The following FARP1 variants were observed in gnomAD, a reference collection of about 807,000 sequenced individuals.
FARP1 encodes FERM, ARHGEF and pleckstrin domain-containing protein 1.
In FARP1, 52 loss-of-function variants were observed where a neutral mutation model predicts 128.8. The ratio of observed to expected loss-of-function variants is 0.40; its 90% CI spans 0.32 to 0.51. FARP1 has a LOEUF of 0.51. Ranked by LOEUF, FARP1 falls within the 20% of genes least tolerant of loss-of-function variation. The pLI is 0.45. For synonymous variants in FARP1, 580 were observed against 551.8 expected (o/e 1.05, Z -0.72); for missense variants, 1,333 against 1,367.9 (o/e 0.97, Z 0.40).
intron 2 of FARP1, among the ~76,000 whole-genome samples, chr13:98,310,013 C>T (rs974524774): frequency 8.7e-5 from 13 of 149,098 alleles, no homozygotes; most frequent in African/African-American, 2.7e-4. Flanking sequence ...GTTTTTACGC[C>T]GATGGGACCA....
At chr13:98,312,135 C>T (rs1302426422) in intron 2 of FARP1, among the ~76,000 whole-genome samples, 18 of 86,110 alleles carry the variant, frequency 2.1e-4, no homozygotes, top group Admixed American at 3.4e-4. Context: ...GTGGTAACTG[C>T]TTTTTTTTTT....
At chr13:98,266,055 A>ATT (rs368073040) in intron 2 of FARP1, among the ~76,000 whole-genome samples, 11 of 150,528 alleles carry the variant, frequency 7.3e-5, no homozygotes, top group African/African-American at 2.7e-4. Flanking sequence ...TTTTTTTCCC[A>ATT]TTTTTTTTTC....
At chr13:98,153,415 T>TATGTAACACATATATA (rs1566670437) in intron 1 of FARP1, among the ~76,000 whole-genome samples, 52 of 36,292 alleles carry the variant, frequency 1.4e-3, no homozygotes, top group East Asian at 7.4e-3. Flanking sequence ...TAAATATGTA[T>TATGTAACACATATATA]AATATGTAAC....
At chr13:98,398,143 A>ATC (rs1566291351) in intron 13 of FARP1, 1 of 152,208 alleles carries the variant, frequency 6.6e-6, no homozygotes, top group African/African-American at 2.4e-5. Context: ...GACAAATGAT[A>ATC]TCTGTCCACA....
At chr13:98,288,279 G>A (rs114269906) in intron 2 of FARP1, among the ~76,000 whole-genome samples, 1,568 of 152,228 alleles carry the variant, frequency 0.01, 36 homozygotes, top group African/African-American at 0.036. Flanking sequence ...ATTCTTCAGT[G>A]GTTTTCCTTC....
intron 24 of FARP1, among the ~76,000 whole-genome samples, chr13:98,444,812 C>T (rs1337687415): frequency 6.6e-6 from 1 of 152,194 alleles, no homozygotes; most frequent in Non-Finnish European, 1.5e-5. Flanking sequence ...TATGAAAATA[C>T]CTAGGAAAGG....
At position 98,178,484 on chromosome 13, in the gene FARP1, C is replaced by T. The variant is rs2139191990; in HGVS notation, c.-23-34736C>T. ...ATGTTGGTATTACAGGCGTGAGCCA[C>T]TGCACCCCGCCTTCAAATATTTTTA... On this transcript the variant is annotated intron_variant, in intron 1 of 26. Coordinates refer to ENST00000319562, the MANE Select transcript of FARP1 (RefSeq NM_005766.4). 2.0e-5 allele frequency among the ~76,000 whole-genome samples: 3 copies of T among 152,354 alleles called. No homozygotes were observed. In the East Asian group the frequency reaches 5.8e-4, roughly 29 times the overall value.
chr13:98,200,626 C>T (rs1039222783), intron 1 of FARP1, among the ~76,000 whole-genome samples: 1 of 152,116 alleles, frequency 6.6e-6, no homozygotes, highest in African/African-American at 2.4e-5. Context: ...CTGTCTCTAG[C>T]ACTTACGCAA....
intron 24 of FARP1, among the ~76,000 whole-genome samples, chr13:98,444,276 CCT>C (rs1391797759): frequency 1.3e-5 from 2 of 152,082 alleles, no homozygotes; most frequent in Non-Finnish European, 2.9e-5. Context: ...CTGCAGAGAC[CCT>C]GTGTCCATGT....
rs1305847148 is a variant in FARP1 at position 98,378,476 on chromosome 13, C to T, written c.496+558C>T. ...GACAAGCCACCTGGGTGTTTTTTCC[C>T]TCTTGACCAAGGCAGAAATTACTTG... On this transcript the variant is annotated intron_variant, in intron 6 of 26. Coordinates refer to ENST00000319562, the MANE Select transcript of FARP1 (RefSeq NM_005766.4). Among the ~76,000 whole-genome samples, 3 of 152,142 alleles carry T rather than the reference C, an allele frequency of 2.0e-5. No homozygotes were observed. In the East Asian group the frequency reaches 5.8e-4, roughly 29 times the overall value.
intron 4 of FARP1, 102 bp downstream of exon 4, chr13:98,365,539 A>G (rs549046576): frequency 4.0e-6 from 3 of 748,732 alleles, no homozygotes; most frequent in Middle Eastern, 2.4e-4. Context: ...TAGAAACACA[A>G]ATTCTTCTAC....
chr13:98,347,373 T>A (rs1479911496), intron 3 of FARP1, among the ~76,000 whole-genome samples: 2 of 152,198 alleles, frequency 1.3e-5, no homozygotes, highest in African/African-American at 2.4e-5. Context: ...TTTTTTATCT[T>A]GTGAAGTGGA....
At chr13:98,447,954 A>T in intron 26 of FARP1, 1 of 476,302 alleles carries the variant, frequency 2.1e-6, no homozygotes, top group South Asian at 2.8e-5. Context: ...CGTTCTCCCC[A>T]GCAACCAGAG....
chr13:98,208,907 A>T (rs1004750925), intron 1 of FARP1, among the ~76,000 whole-genome samples: 6 of 152,312 alleles, frequency 3.9e-5, no homozygotes, highest in African/African-American at 1.4e-4. Flanking sequence ...ACTCTTAAGG[A>T]AAAGGCTGAG....
Position 98,446,807 on chromosome 13 carries a change from A to C in FARP1, c.3046A>C (p.Thr1016Pro). Residue 1016 changes from threonine (T) to proline (P), a missense_variant, in exon 26 of 27, where the codon ACG becomes CCG. Coordinates refer to ENST00000319562, the MANE Select transcript of FARP1 (RefSeq NM_005766.4). ...CTACTTCAGGGCGGAAAGCGAGTAC[A>C]CGTTCGAAAGGTAGACACCCCCTTC... Reference protein sequence around the residue: ...VYYFRAESEYTFERWMEVIRS... With the variant: ...VYYFRAESEYPFERWMEVIRS... The C allele has an allele frequency of 6.2e-7, 1 of 1,614,080 alleles. No homozygotes were observed. Among genetic ancestry groups the C allele is most frequent in the Non-Finnish European group, 8.5e-7 (1 of 1,179,998 alleles).
At chr13:98,299,378 C>T (rs940673932) in intron 2 of FARP1, among the ~76,000 whole-genome samples, 1 of 152,194 alleles carries the variant, frequency 6.6e-6, no homozygotes, top group South Asian at 2.1e-4. Context: ...AAAGCATACT[C>T]TGGCTGGCTC....
intron 2 of FARP1, among the ~76,000 whole-genome samples, chr13:98,273,520 A>G (rs74108732): frequency 0.051 from 7,781 of 152,234 alleles, 613 homozygotes; most frequent in African/African-American, 0.17. Flanking sequence ...AGGTCCCGTT[A>G]GCCAAGAGGC....
At chr13:98,273,442 G>T (rs1315185418) in intron 2 of FARP1, among the ~76,000 whole-genome samples, 4 of 152,186 alleles carry the variant, frequency 2.6e-5, no homozygotes, top group African/African-American at 7.2e-5. Flanking sequence ...AAAGGGAGGG[G>T]ATGTAACGAG....
chr13:98,205,970 G>A (rs1880237508), intron 1 of FARP1, among the ~76,000 whole-genome samples: 1 of 152,148 alleles, frequency 6.6e-6, no homozygotes, highest in South Asian at 2.1e-4. Context: ...TTATAACTAT[G>A]TTTGGACAAA....
Sources: gnomAD v4.1 joint callset for allele counts (sites outside exome capture counted in the v4.1 genomes callset) on GRCh38, gnomAD v4.1.1 for gene constraint, MANE v1.5 for transcripts, NCBI Gene and HGNC (gene_info 2026-07-23, HGNC 2026-07-21) for gene names.